TPTE2: variants seen among roughly 807,000 people sequenced by gnomAD.
TPTE2 encodes the protein phosphatidylinositol 3,4,5-trisphosphate 3-phosphatase TPTE2.
Under a neutral mutation model 78.6 loss-of-function variants are expected in TPTE2, and 53 were observed. The ratio of observed to expected loss-of-function variants is 0.67; its 90% CI spans 0.54 to 0.85. The LOEUF is 0.85. Among genes scored for constraint, TPTE2 ranks in the 40% least tolerant of loss-of-function variants. The pLI is 0.00. For missense variants in TPTE2, 461 were observed against 623.0 expected (o/e 0.74, Z 2.77); for synonymous variants, 175 against 206.2 (o/e 0.85, Z 1.30).
intron 13 of TPTE2, among the ~76,000 whole-genome samples, chr13:19,441,679 A>C (rs1013815389): frequency 1.6e-4 from 24 of 152,156 alleles, no homozygotes; most frequent in Non-Finnish European, 2.2e-4. Flanking sequence ...AGAATCCACC[A>C]AAATACCTAC....
At chr13:19,540,008 G>A (rs1025991200), upstream of TPTE2, among the ~76,000 whole-genome samples, 13 of 152,078 alleles carry the variant, frequency 8.5e-5, no homozygotes, top group Admixed American at 1.3e-4. Flanking sequence ...GCCAGGTGTG[G>A]GGGCGAGTAC....
At chr13:19,471,812 A>G (rs1444232564) in intron 6 of TPTE2, among the ~76,000 whole-genome samples, 1 of 152,136 alleles carries the variant, frequency 6.6e-6, no homozygotes, top group Non-Finnish European at 1.5e-5. Context: ...TAATGTCCTT[A>G]TCTTTCTGAT....
At chr13:19,531,607 A>G (rs1261037023) in intron 1 of TPTE2, among the ~76,000 whole-genome samples, 1 of 147,500 alleles carries the variant, frequency 6.8e-6, no homozygotes, top group Non-Finnish European at 1.5e-5. Flanking sequence ...ACAAAATAAT[A>G]ACATAACAAT....
At chr13:19,525,744 T>C (rs145787719) in intron 1 of TPTE2, among the ~76,000 whole-genome samples, 3,853 of 152,068 alleles carry the variant, frequency 0.025, 124 homozygotes, top group African/African-American at 0.074. Flanking sequence ...TATCAACAGA[T>C]TGAACAGACA....
exon 10 of TPTE2, chr13:19,464,509 C>T: frequency 6.2e-7 from 1 of 1,612,820 alleles, no homozygotes; most frequent in Non-Finnish European, 8.5e-7. Flanking sequence ...AATGACATAG[C>T]AATAATACGT....
chr13:19,424,071 C>T (rs1180850774), intron 19 of TPTE2, among the ~76,000 whole-genome samples: 1 of 152,114 alleles, frequency 6.6e-6, no homozygotes, highest in East Asian at 1.9e-4. Context: ...TTCCTGTTGC[C>T]TTGCTGGACT....
chr13:19,440,089 T>C (rs1288901501), intron 13 of TPTE2, among the ~76,000 whole-genome samples: 1 of 152,136 alleles, frequency 6.6e-6, no homozygotes, highest in Non-Finnish European at 1.5e-5. Context: ...CTAAGTACAG[T>C]AAAGCCAGAC....
chr13:19,450,154 C>A, exon 13 of TPTE2: 1 of 1,611,184 alleles, frequency 6.2e-7, no homozygotes, highest in Non-Finnish European at 8.5e-7. Flanking sequence ...TTGGTGAAAA[C>A]CACCATCTCA....
chr13:19,532,351 T>G (rs1250748883), intron 1 of TPTE2, among the ~76,000 whole-genome samples: 1 of 152,186 alleles, frequency 6.6e-6, no homozygotes, highest in Non-Finnish European at 1.5e-5. Flanking sequence ...TGGGATTAGG[T>G]GCCCTTATAA....
chr13:19,501,529 C>A, intron 1 of TPTE2, among the ~76,000 whole-genome samples: 1 of 147,258 alleles, frequency 6.8e-6, no homozygotes, highest in Admixed American at 6.9e-5. Context: ...TTTGACAAAC[C>A]TGAGAAAAAC....
At chr13:19,445,800 G>A (rs1381519060) in intron 13 of TPTE2, among the ~76,000 whole-genome samples, 1 of 152,184 alleles carries the variant, frequency 6.6e-6, no homozygotes, top group African/African-American at 2.4e-5. Flanking sequence ...AAGTAGCTGG[G>A]TATGGTGGCG....
chr13:19,514,425 A>C (rs571718365), intron 1 of TPTE2, among the ~76,000 whole-genome samples: 3 of 152,206 alleles, frequency 2.0e-5, no homozygotes, highest in Non-Finnish European at 2.9e-5. Context: ...GTGAATCCAT[A>C]ACTCTACCAA....
intron 1 of TPTE2, among the ~76,000 whole-genome samples, chr13:19,500,099 GGAA>G (rs1881666977): frequency 1.3e-5 from 2 of 151,900 alleles, no homozygotes; most frequent in Middle Eastern, 3.4e-3. Context: ...GACTAAACCA[GGAA>G]GAAGTTGAGT....
chr13:19,545,055 C>A, the TPTE2 span, among the ~76,000 whole-genome samples: 120,431 of 151,852 alleles, frequency 0.79, 49,137 homozygotes, highest in East Asian at 0.96. Flanking sequence ...CACCTACCAA[C>A]TGGCCAGAAA....
chr13:19,453,278 C>T (rs1389431205), intron 10 of TPTE2, among the ~76,000 whole-genome samples: 1 of 151,860 alleles, frequency 6.6e-6, no homozygotes, highest in East Asian at 1.9e-4. Flanking sequence ...ATCCACCCTC[C>T]TCGGCCTCCC....
chr13:19,532,449 CA>C (rs1183733102), intron 1 of TPTE2, among the ~76,000 whole-genome samples: 1 of 152,172 alleles, frequency 6.6e-6, no homozygotes, highest in Non-Finnish European at 1.5e-5. Flanking sequence ...CTCAAGGATG[CA>C]ACAGTCAAGA....
Position 19,460,892 on chromosome 13 carries a change from C to T in TPTE2, c.741+3564G>A, listed in dbSNP as rs192903783. ...CATCCACAGAGCCTAAAGCCATATG[C>T]CCTGACTATAATTTAGGATCTCAAC... On this transcript the variant is annotated intron_variant, in intron 10 of 19. Transcript: ENST00000400230. Among the ~76,000 whole-genome samples the T allele has an allele frequency of 6.9e-3, 1,052 of 152,238 alleles. 8 individuals are homozygous for T. Among genetic ancestry groups the T allele is most frequent in the Middle Eastern group, 0.017 (5 of 294 alleles).
At chr13:19,445,081 A>T (rs1462763489) in intron 13 of TPTE2, among the ~76,000 whole-genome samples, 2 of 152,194 alleles carry the variant, frequency 1.3e-5, no homozygotes, top group Non-Finnish European at 1.5e-5. Flanking sequence ...AAACTTTATA[A>T]AGGGAAAGCA....
chr13:19,560,377 C>T, the TPTE2 span: 36 of 1,607,986 alleles, frequency 2.2e-5, no homozygotes, highest in Admixed American at 4.0e-4. Context: ...CCCCAGTTCC[C>T]CCAGGCCAGC....
Sources: allele counts gnomAD v4.1 joint callset (sites outside exome capture counted in the v4.1 genomes callset), GRCh38; gene constraint gnomAD v4.1.1; transcripts MANE v1.5; gene names NCBI Gene and HGNC (gene_info 2026-07-23, HGNC 2026-07-21).